ZNF532: variants seen among roughly 807,000 people sequenced by gnomAD.
ZNF532 encodes the protein zinc finger protein 532.
ZNF532 carries 22 observed loss-of-function variants against 89.3 expected under a neutral mutation model. The observed-to-expected ratio is 0.25, with a 90% confidence interval of 0.18 to 0.35. The LOEUF (loss-of-function observed/expected upper bound fraction) is 0.35, where lower values mean the gene tolerates loss of function less well. ZNF532 is among the 10% of genes least tolerant of loss of function. The pLI is 1.00. For missense variants in ZNF532, 1,132 were observed against 1,643.4 expected (o/e 0.69, Z 5.38); for synonymous variants, 606 against 649.6 (o/e 0.93, Z 1.02).
At chr18:58,913,925 G>A (rs973621320) in intron 2 of ZNF532, among the ~76,000 whole-genome samples, 5 of 152,204 alleles carry the variant, frequency 3.3e-5, no homozygotes, top group African/African-American at 7.2e-5. Flanking sequence ...GGATTTAGGC[G>A]TGCATCTTTC....
chr18:58,977,109 A>ATAAC (rs2067148817), intron 7 of ZNF532, among the ~76,000 whole-genome samples: 1 of 152,142 alleles, frequency 6.6e-6, no homozygotes, highest in Admixed American at 6.6e-5. Context: ...CAGCATTGGT[A>ATAAC]TAACTTTTAA....
rs751287832 is a variant in ZNF532 at position 58,979,162 on chromosome 18, C to G, written c.3258C>G (p.Ala1086=). 4 of 1,609,768 alleles carry G rather than the reference C, an allele frequency of 2.5e-6. No homozygotes were observed. Among genetic ancestry groups the G allele is most frequent in the Non-Finnish European group, 3.4e-6 (4 of 1,176,532 alleles). ...ACAAAGGCATCAGGAAAGTGTACGC[C>G]TGCTCGTAAGTCCTGGTTTCTAACG... is the stretch of plus-strand genomic sequence containing the variant. ...IKHKGIRKVY[A]CSHCPDSRRT... is the part of the protein sequence containing the mutation. Residue 1086 remains alanine (A), a synonymous_variant, in exon 8 of 10, where the codon GCC becomes GCG. Coordinates refer to ENST00000591808, the MANE Select transcript of ZNF532 (RefSeq NM_001375912.1).
chr18:58,888,743 T>TTATATATATATAAAATATATATATAATA (rs1568245548), intron 2 of ZNF532, among the ~76,000 whole-genome samples: 1 of 41,548 alleles, frequency 2.4e-5, no homozygotes, highest in Non-Finnish European at 3.4e-5. Flanking sequence ...TATATATATT[T>TTATATATATATAAAATATATATATAATA]TATATATATA....
At chr18:58,909,245 G>A (rs976006204) in intron 2 of ZNF532, among the ~76,000 whole-genome samples, 24 of 152,242 alleles carry the variant, frequency 1.6e-4, no homozygotes, top group Admixed American at 5.2e-4. Flanking sequence ...GAGCCACCGC[G>A]CCCAGCCTGC....
intron 2 of ZNF532, among the ~76,000 whole-genome samples, chr18:58,900,314 A>AGGCTGTAG (rs2059522084): frequency 6.6e-6 from 1 of 152,164 alleles, no homozygotes; most frequent in South Asian, 2.1e-4. Context: ...ACTTGGCTTT[A>AGGCTGTAG]GGCTGTAGGG....
At chr18:58,964,088 C>G (rs1217381876) in intron 7 of ZNF532, 6 of 152,074 alleles carry the variant, frequency 3.9e-5, no homozygotes, top group Admixed American at 2.0e-4. Context: ...CATTTTCATT[C>G]TTTTACTGTT....
intron 2 of ZNF532, among the ~76,000 whole-genome samples, chr18:58,896,015 C>T (rs2059224862): frequency 6.6e-6 from 1 of 151,990 alleles, no homozygotes; most frequent in African/African-American, 2.4e-5. Flanking sequence ...CCACACCTCA[C>T]TAACTTTAAA....
intron 3 of ZNF532, among the ~76,000 whole-genome samples, chr18:58,924,278 C>T (rs547089413): frequency 6.6e-6 from 1 of 152,348 alleles, no homozygotes; most frequent in South Asian, 2.1e-4. Flanking sequence ...CTGGTGCTCA[C>T]ACCCTGACCT....
chr18:58,970,900 G>T (rs1261440003), intron 7 of ZNF532, among the ~76,000 whole-genome samples: 1 of 152,186 alleles, frequency 6.6e-6, no homozygotes, highest in African/African-American at 2.4e-5. Flanking sequence ...GCATGATGCT[G>T]GCAGCTTGTT....
chr18:58,981,552 C>T lies in ZNF532; in HGVS notation c.3346C>T (p.Pro1116Ser), dbSNP rs936918525. ...CCAGCTGATGCATGGCATCAAGGAC[C>T]CTGACCTGAAAGAAATGACAGATGC... ...HVQLMHGIKDPDLKEMTDATN... is the reference protein window; with the variant it reads ...HVQLMHGIKDSDLKEMTDATN... Residue 1116 changes from proline to serine, a missense_variant, in exon 9 of 10, where the codon CCT becomes TCT. Transcript: ENST00000591808. The T allele has an allele frequency of 1.9e-6, 3 of 1,614,040 alleles. No individual in the cohort carries two copies. Among genetic ancestry groups the T allele is most frequent in the Non-Finnish European group, 2.5e-6 (3 of 1,179,988 alleles).
chr18:58,971,177 A>T (rs1056291747), intron 7 of ZNF532, among the ~76,000 whole-genome samples: 1 of 152,216 alleles, frequency 6.6e-6, no homozygotes, highest in Non-Finnish European at 1.5e-5. Flanking sequence ...TGGTAAGCAC[A>T]CGTTGGTTTA....
intron 7 of ZNF532, among the ~76,000 whole-genome samples, chr18:58,968,631 C>A (rs561766412): frequency 6.6e-6 from 1 of 152,158 alleles, no homozygotes; most frequent in Non-Finnish European, 1.5e-5. Flanking sequence ...GCAGGTAGAG[C>A]GTAGACATAG....
intron 2 of ZNF532, among the ~76,000 whole-genome samples, chr18:58,891,979 C>A (rs927493212): frequency 6.6e-6 from 1 of 152,208 alleles, no homozygotes; most frequent in South Asian, 2.1e-4. Context: ...CCCCCACTCA[C>A]CCATAAGCAA....
chr18:58,939,118 A>G (rs2062727387), intron 4 of ZNF532, among the ~76,000 whole-genome samples: 1 of 151,862 alleles, frequency 6.6e-6, no homozygotes, highest in African/African-American at 2.4e-5. Flanking sequence ...ATGGTGGTAC[A>G]CACCTGTAAT....
rs565500289 is a variant in ZNF532 at position 58,957,240 on chromosome 18, T to C, written c.3150+3441T>C. 2.6e-5 allele frequency among the ~76,000 whole-genome samples: 4 copies of C among 152,210 alleles called. No homozygotes were observed. In the South Asian group the frequency reaches 8.3e-4, roughly 32 times the overall value. On this transcript the variant is annotated intron_variant, in intron 7 of 9. Transcript: ENST00000591808. ...CAAAAATTGTATTTGGCTAAAGGTCTCAGGAGAGAATACAGTTTAACTTCC... is the reference window on the plus strand; with the variant it reads ...CAAAAATTGTATTTGGCTAAAGGTCCCAGGAGAGAATACAGTTTAACTTCC...
chr18:58,878,874 C>A (rs1219603203), intron 2 of ZNF532, among the ~76,000 whole-genome samples: 2 of 152,212 alleles, frequency 1.3e-5, no homozygotes, highest in Non-Finnish European at 2.9e-5. Context: ...GGACCACATG[C>A]CCTTGGTTGT....
intron 3 of ZNF532, chr18:58,926,442 A>G (rs1486224110): frequency 6.6e-6 from 1 of 152,200 alleles, no homozygotes; most frequent in African/African-American, 2.4e-5. Context: ...GGTTCAAGAG[A>G]TTCTCCTGCC....
chr18:58,978,753 A>G lies in ZNF532; in HGVS notation c.3151-302A>G, dbSNP rs149278699. Among the ~76,000 whole-genome samples the G allele has an allele frequency of 4.2e-3, 638 of 152,338 alleles. 5 individuals are homozygous for G. Among genetic ancestry groups the G allele is most frequent in the African/African-American group, 0.014 (595 of 41,580 alleles). On this transcript the variant is annotated intron_variant, in intron 7 of 9. Transcript: ENST00000591808. ...TTTTTGGATCTTGGAATATTCAAAT[A>G]TACATAATATCTTGGGACTCTCTAA...
rs558762400 is a variant in ZNF532, at chr18:58,949,677, G to GAAAC, written c.2868+1460_2868+1463dup. 1.6e-3 allele frequency among the ~76,000 whole-genome samples: 247 copies of GAAAC among 152,242 alleles called. 1 individual carries two copies. The highest frequency in any genetic ancestry group is 5.6e-3 in the African/African-American group (232 of 41,554). On this transcript the variant is annotated intron_variant, in intron 6 of 9. Coordinates refer to ENST00000591808, the MANE Select transcript of ZNF532 (RefSeq NM_001375912.1). ...GGCGACAGAGCAAGACTCCGTCTCAGAAACAAACAAACAAAAAGTTACACA... is the reference window on the plus strand; with the variant it reads ...GGCGACAGAGCAAGACTCCGTCTCAGAAACAAACAAACAAACAAAAAGTTACACA...
Sources: gnomAD v4.1 joint callset for allele counts (sites outside exome capture counted in the v4.1 genomes callset) on GRCh38, gnomAD v4.1.1 for gene constraint, MANE v1.5 for transcripts, NCBI Gene and HGNC (gene_info 2026-07-23, HGNC 2026-07-21) for gene names.